DGKZ: variants seen among roughly 807,000 people sequenced by gnomAD.
The protein encoded by DGKZ is diacylglycerol kinase zeta.
A neutral mutation model predicts 142.5 loss-of-function variants in DGKZ; 45 were observed. The observed-to-expected ratio is 0.32, with a 90% CI of 0.25 to 0.40. The LOEUF (loss-of-function observed/expected upper bound fraction) is 0.40, where lower values mean the gene tolerates loss of function less well. DGKZ is among the 10% of genes least tolerant of loss of function. The probability of loss-of-function intolerance (pLI) is 1.00; values close to 1 mark genes in which losing one functional copy is unlikely to be tolerated. For synonymous variants in DGKZ, 442 were observed against 527.0 expected (o/e 0.84, Z 2.21); for missense variants, 755 against 1,306.5 (o/e 0.58, Z 6.51).
intron 14 of DGKZ, 95 bp downstream of exon 14, chr11:46,373,196 T>G: frequency 2.2e-6 from 3 of 1,381,234 alleles, no homozygotes; most frequent in Non-Finnish European, 2.9e-6. Context: ...GGCGTGTCTC[T>G]TCATTTCTCC....
chr11:46,360,610 A>AC (rs1169134491), intron 1 of DGKZ, among the ~76,000 whole-genome samples: 52 of 152,024 alleles, frequency 3.4e-4, no homozygotes, highest in African/African-American at 1.2e-3. Context: ...ACATGGTGAA[A>AC]CCCCGTCTCT....
At chr11:46,374,935 T>C in exon 19 of DGKZ, 1 of 1,601,664 alleles carries the variant, frequency 6.2e-7, no homozygotes, top group Non-Finnish European at 8.5e-7. Context: ...CCTTTGCAGG[T>C]ACTGTGCGGG....
chr11:46,347,492 C>G lies in DGKZ; in HGVS notation c.-168C>G, dbSNP rs1342223070. The G allele has an allele frequency of 1.0e-6, 1 of 982,410 alleles. No individual in the cohort carries two copies. The highest frequency in any genetic ancestry group is 1.8e-5 in the African/African-American group (1 of 56,846). The allele number at this position is 982,410 out of a possible 1,614,324, so 60.9% of individuals were successfully genotyped here. On this transcript the variant is annotated 5_prime_UTR_variant, in exon 1 of 31. Transcript: ENST00000527911. This position sits in a 1 kb window ranked among gnomAD's most constrained non-coding sequence, Gnocchi z 6.4. ...CTTCCTGGAGCGGCGGCGGCAGCGG[C>G]TTCCCGGGCACCTGGGCGTGGGGAG...
chr11:46,367,513 C>T lies in DGKZ; in HGVS notation c.270+114C>T. 2 of 1,281,780 alleles carry T rather than the reference C, an allele frequency of 1.6e-6. No individual in the cohort carries two copies. Among genetic ancestry groups the T allele is most frequent in the Admixed American group, 2.4e-5 (1 of 40,966 alleles). 79.4% of individuals were successfully genotyped at this position (1,281,780 alleles called of 1,614,324 possible). ...AGAGCCAAGCCTGGAAGGGTTGGGA[C>T]AGTGGGGCAGACGGAACAGAGCAGG... On this transcript the variant is annotated intron_variant, in intron 2 of 30. Transcript: ENST00000527911. This position sits in a 1 kb window ranked among gnomAD's most constrained non-coding sequence, Gnocchi z 4.1.
chr11:46,368,626 CTG>C (rs1293514429), intron 4 of DGKZ: 7 of 247,380 alleles, frequency 2.8e-5, no homozygotes, highest in South Asian at 2.6e-4. Context: ...ACGGGAGAGA[CTG>C]TAAGACTAGG....
In DGKZ at chr11:46,372,906, G is replaced by C; in HGVS notation, c.1185+22G>C. 6.4e-7 allele frequency: 1 copy of C among 1,561,490 alleles called. No homozygotes were observed. Among genetic ancestry groups the C allele is most frequent in the Non-Finnish European group, 8.7e-7 (1 of 1,152,820 alleles). ...TGGGGTAAGCACCCATAGGAGGGGGGTGCAGCTGGGGCCTCTCCAGCCACA... is the reference window on the plus strand; with the variant it reads ...TGGGGTAAGCACCCATAGGAGGGGGCTGCAGCTGGGGCCTCTCCAGCCACA... On this transcript the variant is annotated intron_variant, in intron 13 of 30. Coordinates refer to ENST00000527911, the Ensembl canonical transcript of DGKZ. This position sits in a 1 kb window ranked among gnomAD's most constrained non-coding sequence, Gnocchi z 5.9.
intron 1 of DGKZ, among the ~76,000 whole-genome samples, chr11:46,349,542 ATTC>A (rs1381160501): frequency 1.3e-5 from 2 of 149,672 alleles, no homozygotes; most frequent in Admixed American, 6.6e-5. Context: ...GGTAGGTGGT[ATTC>A]TTCCTTTTGT....
chr11:46,350,363 TG>T (rs1202340796), intron 1 of DGKZ, among the ~76,000 whole-genome samples: 1 of 152,188 alleles, frequency 6.6e-6, no homozygotes, highest in African/African-American at 2.4e-5. Flanking sequence ...TACCTTTGTT[TG>T]TTTGTTGCAG....
exon 1 of DGKZ, chr11:46,333,254 G>T: frequency 8.0e-7 from 1 of 1,247,456 alleles, no homozygotes; most frequent in Non-Finnish European, 1.0e-6. Context: ...CGCAGGAGCC[G>T]CGGGCGGAAG....
chr11:46,337,907 G>A (rs184749669), intron 1 of DGKZ, among the ~76,000 whole-genome samples: 5 of 152,292 alleles, frequency 3.3e-5, no homozygotes, highest in Non-Finnish European at 1.5e-5. Context: ...AAGAACCAGT[G>A]CCTGTACCTG....
chr11:46,377,378 G>A, intron 25 of DGKZ, 166 bp downstream of exon 25: 1 of 1,310,926 alleles, frequency 7.6e-7, no homozygotes, highest in Middle Eastern at 1.9e-4. Context: ...GTTCTGTGGG[G>A]AAGCGGCCTC....
intron 15 of DGKZ, 62 bp downstream of exon 15, chr11:46,374,297 G>C (rs1944302834): frequency 6.2e-7 from 1 of 1,612,366 alleles, no homozygotes; most frequent in African/African-American, 1.3e-5. Flanking sequence ...GGGAGGGTCA[G>C]ACCCTGCTCC....
exon 17 of DGKZ, chr11:46,374,624 G>T (rs1944337382): frequency 6.3e-7 from 1 of 1,579,324 alleles, no homozygotes; most frequent in South Asian, 1.2e-5. Flanking sequence ...CTGACTTCCT[G>T]ATGGGCAGCT....
chr11:46,366,968 T>C, intron 1 of DGKZ: 2 of 1,532,062 alleles, frequency 1.3e-6, no homozygotes, highest in Non-Finnish European at 1.7e-6. Context: ...ACCCCAGGCC[T>C]GGAGCGCCCT....
intron 1 of DGKZ, among the ~76,000 whole-genome samples, chr11:46,354,218 C>T (rs1292540338): frequency 6.6e-6 from 1 of 152,154 alleles, no homozygotes; most frequent in Non-Finnish European, 1.5e-5. Context: ...ACAGGATCTC[C>T]CTCTGTCACC....
Position 46,378,510 on chromosome 11 carries a change from C to G in DGKZ, c.2418+10C>G. Reference sequence around the variant, plus strand: ...GAACGACTTCTGTAAGGTACTAGCTCCAGGCTCCAGTTCCTTCCCCCAGCA... The same window carrying G: ...GAACGACTTCTGTAAGGTACTAGCTGCAGGCTCCAGTTCCTTCCCCCAGCA... On this transcript the variant is annotated intron_variant, in intron 27 of 30. Coordinates refer to ENST00000527911, the Ensembl canonical transcript of DGKZ. The G allele has an allele frequency of 1.2e-6, 2 of 1,613,022 alleles. No homozygotes were observed. The highest frequency in any genetic ancestry group is 1.7e-6 in the Non-Finnish European group (2 of 1,179,848).
At position 46,367,943 on chromosome 11, in the gene DGKZ, G is replaced by A. The variant is rs760334286; in HGVS notation, c.367-59G>A. ...CACAAAGGGCAGCTGTGCTGGGGCA[G>A]GCAGCCTCCGAGATAGACTTACCTG... On this transcript the variant is annotated intron_variant, in intron 3 of 30. Coordinates refer to ENST00000527911, the Ensembl canonical transcript of DGKZ. The surrounding 1 kb of genome is among the most constrained non-coding windows in gnomAD (Gnocchi z 4.1). 3.8e-6 allele frequency: 6 copies of A among 1,593,186 alleles called. No homozygotes were observed. The East Asian group carries it at 1.3e-4, about 36-fold the overall frequency.
At chr11:46,378,112 G>A in intron 25 of DGKZ, 86 bp from the exon 26 acceptor site, 3 of 1,516,880 alleles carry the variant, frequency 2.0e-6, no homozygotes, top group South Asian at 1.2e-5. Context: ...CTGTGGAAAG[G>A]ATGAAGATGC....
rs187730916 is a variant in DGKZ at position 46,357,664 on chromosome 11, C to A, written c.162-9627C>A. On this transcript the variant is annotated intron_variant, in intron 1 of 30. Transcript: ENST00000527911. ...GCCGGGCATGCCCAGATGCGCTAGA[C>A]CTGGCCCCGGCCCCCCAGGAGCTCG... 5.9e-3 allele frequency among the ~76,000 whole-genome samples: 897 copies of A among 152,360 alleles called. 10 individuals are homozygous for A. Among genetic ancestry groups the A allele is most frequent in the African/African-American group, 0.021 (856 of 41,572 alleles).
Sources: gnomAD v4.1 joint callset for allele counts (sites outside exome capture counted in the v4.1 genomes callset) on GRCh38, gnomAD v4.1.1 for gene constraint, Gnocchi (gnomAD v3.1) non-coding constraint, MANE v1.5 for transcripts, NCBI Gene and HGNC (gene_info 2026-07-23, HGNC 2026-07-21) for gene names.